The following SIAH1 variants were observed in gnomAD, a reference collection of about 807,000 sequenced individuals.
SIAH1 encodes the protein E3 ubiquitin-protein ligase SIAH1.
A neutral mutation model predicts 20.0 loss-of-function variants in SIAH1; 2 were observed. The ratio of observed to expected loss-of-function variants is 0.10; its 90% CI spans 0.04 to 0.31. The LOEUF is 0.31. SIAH1 is among the 10% of genes least tolerant of loss of function. The pLI, the probability that SIAH1 is intolerant of heterozygous loss-of-function variation, is 1.00. For missense variants in SIAH1, 119 were observed against 355.3 expected (o/e 0.33, Z 5.35); for synonymous variants, 118 against 125.3 (o/e 0.94, Z 0.39).
intron 1 of SIAH1, chr16:48,365,939 T>C (rs1445717975): frequency 8.3e-7 from 1 of 1,209,540 alleles, no homozygotes; most frequent in Non-Finnish European, 1.0e-6. Flanking sequence ...GGGCTGGGCC[T>C]GCGTTGGGAA....
chr16:48,363,940 C>CTTTTTTTTT (rs565145479), intron 1 of SIAH1: 1 of 64,676 alleles, frequency 1.5e-5, no homozygotes, highest in Non-Finnish European at 3.1e-5. Flanking sequence ...AAGCCATAAT[C>CTTTTTTTTT]TTTTTTTTTT....
chr16:48,369,868 C>T (rs1408196170), intron 1 of SIAH1, among the ~76,000 whole-genome samples: 1 of 152,220 alleles, frequency 6.6e-6, no homozygotes, highest in East Asian at 1.9e-4. Context: ...AACCTAACTA[C>T]ACCTGAATCC....
At chr16:48,369,315 A>G (rs1326957217) in intron 1 of SIAH1, among the ~76,000 whole-genome samples, 2 of 152,234 alleles carry the variant, frequency 1.3e-5, no homozygotes, top group African/African-American at 4.8e-5. Context: ...ATTACTGGAG[A>G]TGAGGGAAAC....
At chr16:48,365,233 A>T in intron 1 of SIAH1, 1 of 756,230 alleles carries the variant, frequency 1.3e-6, no homozygotes, top group Admixed American at 2.8e-5. Flanking sequence ...TTTGATTTAA[A>T]CAGAAAAAAG....
intron 1 of SIAH1, among the ~76,000 whole-genome samples, chr16:48,376,774 G>A (rs139475910): frequency 3.9e-5 from 6 of 152,238 alleles, no homozygotes; most frequent in East Asian, 1.9e-4. Context: ...CAAGATATCC[G>A]AAGTTGTTCT....
chr16:48,376,745 T>C (rs1339648033), intron 1 of SIAH1, among the ~76,000 whole-genome samples: 1 of 152,186 alleles, frequency 6.6e-6, no homozygotes, highest in Non-Finnish European at 1.5e-5. Flanking sequence ...CTGCAAAAAT[T>C]AACTAACGTC....
At chr16:48,385,037 C>A in intron 1 of SIAH1, among the ~76,000 whole-genome samples, 167 bp downstream of exon 1, 1 of 148,220 alleles carries the variant, frequency 6.7e-6, no homozygotes, top group African/African-American at 2.4e-5. Context: ...GGGCGGCGCT[C>A]GACCGGGCGG....
chr16:48,385,315 G>A lies in SIAH1; in HGVS notation c.-114C>T. On this transcript the variant is annotated 5_prime_UTR_variant, in exon 1 of 2. Coordinates refer to ENST00000394725, the MANE Select transcript of SIAH1 (RefSeq NM_003031.4). ...CCTCTTCCCGGCGCCGAGACCGACGGGACACCCTGGGCCGCCGCCGCCTCT... is the reference window on the plus strand; with the variant it reads ...CCTCTTCCCGGCGCCGAGACCGACGAGACACCCTGGGCCGCCGCCGCCTCT... The A allele has an allele frequency of 2.1e-5, 5 of 241,520 alleles. No homozygotes were observed. Among genetic ancestry groups the A allele is most frequent in the South Asian group, 1.0e-4 (3 of 28,880 alleles). 15.0% of individuals were successfully genotyped at this position (241,520 alleles called of 1,614,324 possible).
At chr16:48,363,615 AGAT>A (rs757239622) in intron 1 of SIAH1, 42 of 167,196 alleles carry the variant, frequency 2.5e-4, no homozygotes, top group African/African-American at 5.1e-4. Context: ...GAAAGAATAA[AGAT>A]GATAGCACGG....
chr16:48,370,463 A>G lies in SIAH1; in HGVS notation c.-2-8033T>C, dbSNP rs8044376. ...GTGCCAGGTAGACTCAATGGTTTAC[A>G]TATGTTCTCATTTAACCTTTCCAAT... On this transcript the variant is annotated intron_variant, in intron 1 of 1. Transcript: ENST00000394725. Among the ~76,000 whole-genome samples the G allele has an allele frequency of 8.9e-3, 1,361 of 152,276 alleles. 26 individuals carry two copies. The highest frequency in any genetic ancestry group is 0.031 in the African/African-American group (1,299 of 41,542).
intron 1 of SIAH1, among the ~76,000 whole-genome samples, chr16:48,381,021 G>A (rs1961273978): frequency 6.6e-6 from 1 of 151,210 alleles, no homozygotes; most frequent in Non-Finnish European, 1.5e-5. Context: ...CTCATTCATT[G>A]CTTGTAGGAA....
chr16:48,377,688 G>A (rs1041825706), intron 1 of SIAH1, among the ~76,000 whole-genome samples: 4 of 150,986 alleles, frequency 2.6e-5, no homozygotes, highest in African/African-American at 7.3e-5. Context: ...GAGCCGCCAC[G>A]CTGAGCCTCC....
chr16:48,378,913 C>T (rs1429608074), intron 1 of SIAH1, among the ~76,000 whole-genome samples: 1 of 152,198 alleles, frequency 6.6e-6, no homozygotes, highest in Non-Finnish European at 1.5e-5. Context: ...GTCTCCCTTC[C>T]ACCCCACTGG....
intron 1 of SIAH1, among the ~76,000 whole-genome samples, chr16:48,374,983 G>T (rs1961070319): frequency 6.6e-6 from 1 of 152,192 alleles, no homozygotes; most frequent in Admixed American, 6.5e-5. Context: ...AGAAACAATA[G>T]AGGCGTGTTA....
At chr16:48,364,050 A>T (rs529965766) in intron 1 of SIAH1, among the ~76,000 whole-genome samples, 13 of 147,060 alleles carry the variant, frequency 8.8e-5, no homozygotes, top group Admixed American at 6.4e-4. Flanking sequence ...CCCAGGTTCA[A>T]GCAATTCTCC....
At chr16:48,380,466 A>AC (rs935394123) in intron 1 of SIAH1, among the ~76,000 whole-genome samples, 7 of 152,152 alleles carry the variant, frequency 4.6e-5, no homozygotes, top group African/African-American at 1.7e-4. Flanking sequence ...AAACAAACAA[A>AC]AAAAAAACAA....
At chr16:48,382,824 A>T (rs1597035052) in intron 1 of SIAH1, among the ~76,000 whole-genome samples, 1 of 152,240 alleles carries the variant, frequency 6.6e-6, no homozygotes, top group African/African-American at 2.4e-5. Flanking sequence ...TAAAAATACA[A>T]TTTAAGCAGT....
Position 48,362,458 on chromosome 16 carries a change from GA to G in SIAH1, c.-2-29del, listed in dbSNP as rs746969793. 1.9e-6 allele frequency: 3 copies of G among 1,606,706 alleles called. No homozygotes were observed. Among genetic ancestry groups the G allele is most frequent in the South Asian group, 2.2e-5 (2 of 90,290 alleles). On this transcript the variant is annotated intron_variant, in intron 1 of 1. Transcript: ENST00000394725. The surrounding 1 kb of genome is among the most constrained non-coding windows in gnomAD (Gnocchi z 4.2). Reference sequence around the variant, plus strand: ...GAAATAAATACATAAGGAGGCAGGAGAAAAATAATTATAACCATGACTTACT... The same window carrying G: ...GAAATAAATACATAAGGAGGCAGGAGAAAATAATTATAACCATGACTTACT...
chr16:48,366,013 T>A, intron 1 of SIAH1: 1 of 682,242 alleles, frequency 1.5e-6, no homozygotes, highest in Non-Finnish European at 1.9e-6. Context: ...GCGATGCCCG[T>A]CTTGCTCGCG....
Sources: allele counts gnomAD v4.1 joint callset (sites outside exome capture counted in the v4.1 genomes callset), GRCh38; gene constraint gnomAD v4.1.1; non-coding constraint Gnocchi (gnomAD v3.1); transcripts MANE v1.5; gene names NCBI Gene and HGNC (gene_info 2026-07-23, HGNC 2026-07-21).